Variants in GRIA2 observed in about 807,000 individuals in gnomAD.
GRIA2 encodes glutamate ionotropic receptor AMPA type subunit 2.
In GRIA2, 14 loss-of-function variants were observed where a neutral mutation model predicts 97.3. The observed-to-expected ratio is 0.14, with a 90% CI of 0.10 to 0.23. GRIA2 has a LOEUF of 0.23. GRIA2 is among the 10% of genes least tolerant of loss of function. The probability of loss-of-function intolerance (pLI) is 1.00; values close to 1 mark genes in which losing one functional copy is unlikely to be tolerated. For synonymous variants in GRIA2, 412 were observed against 387.8 expected (o/e 1.06, Z -0.73); for missense variants, 558 against 1,069.8 (o/e 0.52, Z 6.67).
chr4:157,356,052 T>G (rs1294337407), intron 12 of GRIA2, among the ~76,000 whole-genome samples: 5 of 115,120 alleles, frequency 4.3e-5, no homozygotes, highest in Non-Finnish European at 8.2e-5. Context: ...TATATGTATT[T>G]ATATATATTT....
chr4:157,360,337 T>G (rs1167536802), intron 13 of GRIA2, among the ~76,000 whole-genome samples, 194 bp downstream of exon 13: 1 of 152,180 alleles, frequency 6.6e-6, no homozygotes, highest in African/African-American at 2.4e-5. Context: ...GATTTTGTTT[T>G]GTTTGGTTTG....
At chr4:157,268,106 A>G (rs1002684618) in intron 2 of GRIA2, among the ~76,000 whole-genome samples, 18 of 152,244 alleles carry the variant, frequency 1.2e-4, no homozygotes, top group Non-Finnish European at 2.1e-4. Flanking sequence ...GGTGGGGCAT[A>G]GAAAAATACA....
At chr4:157,343,621 G>T (rs2126956337) in intron 12 of GRIA2, among the ~76,000 whole-genome samples, 1 of 152,154 alleles carries the variant, frequency 6.6e-6, no homozygotes, top group East Asian at 1.9e-4. Context: ...AGGTCTCAGT[G>T]CATATAATGT....
chr4:157,263,459 T>C (rs1731636336), intron 2 of GRIA2, among the ~76,000 whole-genome samples: 1 of 152,070 alleles, frequency 6.6e-6, no homozygotes, highest in African/African-American at 2.4e-5. Context: ...CACCTAAACA[T>C]TCTTGTTGCT....
At chr4:157,233,264 G>A (rs1232851583) in intron 2 of GRIA2, among the ~76,000 whole-genome samples, 1 of 152,052 alleles carries the variant, frequency 6.6e-6, no homozygotes, top group Admixed American at 6.6e-5. Flanking sequence ...AAAACCTGAG[G>A]TGTTACTCGA....
intron 2 of GRIA2, among the ~76,000 whole-genome samples, chr4:157,271,487 A>T (rs974208424): frequency 6.6e-6 from 1 of 152,092 alleles, no homozygotes; most frequent in Non-Finnish European, 1.5e-5. Context: ...TTACAGGTTT[A>T]TTATAAAGGA....
chr4:157,347,138 A>G (rs1735798078), intron 12 of GRIA2, among the ~76,000 whole-genome samples: 1 of 152,154 alleles, frequency 6.6e-6, no homozygotes, highest in Admixed American at 6.5e-5. Flanking sequence ...TCATAGGAAG[A>G]GAAAAATAAG....
upstream of GRIA2, chr4:157,220,410 G>C (rs1729430072): frequency 6.6e-6 from 1 of 152,194 alleles, no homozygotes; most frequent in Admixed American, 6.5e-5. Flanking sequence ...GGTGCTGAAA[G>C]GCCGAGGCGC....
chr4:157,265,584 G>T (rs772409819), intron 2 of GRIA2, among the ~76,000 whole-genome samples: 1 of 152,234 alleles, frequency 6.6e-6, no homozygotes, highest in Non-Finnish European at 1.5e-5. Flanking sequence ...GGTCATTTCT[G>T]CTGCATTCTA....
chr4:157,272,961 G>C (rs1732101556), intron 2 of GRIA2, among the ~76,000 whole-genome samples: 2 of 151,974 alleles, frequency 1.3e-5, no homozygotes, highest in African/African-American at 4.8e-5. Context: ...ATCACAGAAA[G>C]TCTGTAGTAA....
At chr4:157,229,704 A>G (rs1237143811) in intron 2 of GRIA2, among the ~76,000 whole-genome samples, 1 of 152,176 alleles carries the variant, frequency 6.6e-6, no homozygotes, top group Non-Finnish European at 1.5e-5. Flanking sequence ...TCAAATATAA[A>G]CACAAACTGG....
In GRIA2 at chr4:157,287,318, A is replaced by C. The variant is rs1288146636; in HGVS notation, c.230-16234A>C. On this transcript the variant is annotated intron_variant, in intron 2 of 15. Coordinates refer to ENST00000264426, the MANE Select transcript of GRIA2 (RefSeq NM_001083619.3). ...ATCTTATTTACTCTTTAAAGACTTAAAATATTTTACATTGTGCATCTGAAA... is the reference window on the plus strand; with the variant it reads ...ATCTTATTTACTCTTTAAAGACTTACAATATTTTACATTGTGCATCTGAAA... Among the ~76,000 whole-genome samples the C allele has an allele frequency of 4.0e-5, 6 of 151,644 alleles. No individual in the cohort carries two copies. In the Admixed American group the frequency reaches 4.0e-4, roughly 10 times the overall value.
At chr4:157,230,059 T>A (rs113715642) in intron 2 of GRIA2, among the ~76,000 whole-genome samples, 2 of 152,186 alleles carry the variant, frequency 1.3e-5, no homozygotes, top group African/African-American at 4.8e-5. Context: ...GAATATGACC[T>A]AAATTAATAA....
At chr4:157,353,118 C>T (rs970189717) in intron 12 of GRIA2, among the ~76,000 whole-genome samples, 1 of 151,722 alleles carries the variant, frequency 6.6e-6, no homozygotes, top group African/African-American at 2.4e-5. Flanking sequence ...TTTGGGAGGC[C>T]GAGGTGGGTG....
At chr4:157,333,166 C>A (rs1579371158) in intron 7 of GRIA2, 83 bp from the exon 8 acceptor site, 4 of 940,814 alleles carry the variant, frequency 4.3e-6, no homozygotes, top group Admixed American at 2.5e-5. Flanking sequence ...TTCTTGACTT[C>A]ATCTGGTTAA....
chr4:157,223,214 C>T (rs185446717), intron 2 of GRIA2, among the ~76,000 whole-genome samples: 1 of 152,150 alleles, frequency 6.6e-6, no homozygotes. Context: ...ACTCTTGCAA[C>T]TACTGTCACC....
intron 2 of GRIA2, among the ~76,000 whole-genome samples, chr4:157,285,682 C>T (rs1330543047): frequency 6.6e-6 from 1 of 151,310 alleles, no homozygotes; most frequent in Non-Finnish European, 1.5e-5. Context: ...CTATTTCAAA[C>T]ATTTTTTATA....
chr4:157,363,222 T>G (rs535750481), intron 15 of GRIA2, 175 bp downstream of exon 15: 1 of 734,348 alleles, frequency 1.4e-6, no homozygotes, highest in South Asian at 2.1e-5. Flanking sequence ...TTTTCCTCTT[T>G]AATGGCACAG....
At chr4:157,263,031 A>G (rs1435999143) in intron 2 of GRIA2, among the ~76,000 whole-genome samples, 1 of 152,100 alleles carries the variant, frequency 6.6e-6, no homozygotes, top group Admixed American at 6.6e-5. Context: ...TGCTTACTAA[A>G]AATATGACTT....
Sources: gnomAD v4.1 joint callset for allele counts (sites outside exome capture counted in the v4.1 genomes callset) on GRCh38, gnomAD v4.1.1 for gene constraint, MANE v1.5 for transcripts, NCBI Gene and HGNC (gene_info 2026-07-23, HGNC 2026-07-21) for gene names.